Variants in RHOBTB3 observed in about 807,000 individuals in gnomAD.
The protein encoded by RHOBTB3 is rho-related BTB domain-containing protein 3.
A neutral mutation model predicts 67.2 loss-of-function variants in RHOBTB3; 47 were observed. The observed-to-expected ratio is 0.70, with a 90% confidence interval of 0.55 to 0.89. The LOEUF (loss-of-function observed/expected upper bound fraction) is 0.89, where lower values mean the gene tolerates loss of function less well. Ranked by LOEUF, RHOBTB3 falls within the 40% of genes least tolerant of loss-of-function variation. The pLI is 0.00. For missense variants in RHOBTB3, 631 were observed against 750.0 expected, an observed-to-expected ratio of 0.84 and a Z score of 1.85; for synonymous variants, 273 against 274.2, an observed-to-expected ratio of 1.00 and a Z score of 0.04.
intron 6 of RHOBTB3, among the ~76,000 whole-genome samples, chr5:95,763,240 G>A (rs139469569): frequency 1.3e-5 from 2 of 152,296 alleles, no homozygotes; most frequent in African/African-American, 4.8e-5. Context: ...GACCATTGCT[G>A]TTATCACTAG....
intron 3 of RHOBTB3, among the ~76,000 whole-genome samples, chr5:95,742,049 A>G (rs1223026331): frequency 6.6e-6 from 1 of 152,150 alleles, no homozygotes; most frequent in Non-Finnish European, 1.5e-5. Context: ...ATTTTCTGGC[A>G]CAAGATATTC....
intron 1 of RHOBTB3, among the ~76,000 whole-genome samples, chr5:95,722,747 T>G (rs1754926326): frequency 6.6e-6 from 1 of 152,222 alleles, no homozygotes; most frequent in Non-Finnish European, 1.5e-5. Flanking sequence ...CTTCCCAAAG[T>G]GCTGGGATTA....
intron 6 of RHOBTB3, among the ~76,000 whole-genome samples, chr5:95,762,317 A>G (rs1041699803): frequency 5.3e-5 from 8 of 152,208 alleles, no homozygotes; most frequent in Admixed American, 3.3e-4. Context: ...TGGACTTGCA[A>G]TCTGCCCCTT....
chr5:95,731,058 A>G, upstream of RHOBTB3: 1 of 1,067,240 alleles, frequency 9.4e-7, no homozygotes, highest in South Asian at 1.7e-5. Flanking sequence ...CGGCCTTGCG[A>G]GTTGAACAAA....
At chr5:95,770,123 C>T in intron 8 of RHOBTB3, 1 of 260,888 alleles carries the variant, frequency 3.8e-6, no homozygotes, top group South Asian at 4.8e-5. Flanking sequence ...AAATTGTATT[C>T]AAGAAATCAT....
At chr5:95,779,248 A>C (rs79324321) in intron 8 of RHOBTB3, among the ~76,000 whole-genome samples, 2,818 of 152,254 alleles carry the variant, frequency 0.019, 85 homozygotes, top group African/African-American at 0.065. Flanking sequence ...CAGCTTTGTC[A>C]CTCACACTGG....
At chr5:95,782,166 A>C (rs1746066225) in intron 9 of RHOBTB3, 1 of 152,238 alleles carries the variant, frequency 6.6e-6, no homozygotes, top group Admixed American at 6.5e-5. Context: ...GTTAAGCCAG[A>C]TACTGGAATC....
chr5:95,730,791 G>A (rs1019470869), upstream of RHOBTB3: 3 of 431,476 alleles, frequency 7.0e-6, no homozygotes, highest in South Asian at 1.6e-5. Context: ...TGTGAACAAA[G>A]AACTCTTTCT....
At chr5:95,742,249 G>A (rs1427844785) in intron 3 of RHOBTB3, among the ~76,000 whole-genome samples, 2 of 152,104 alleles carry the variant, frequency 1.3e-5, no homozygotes, top group Non-Finnish European at 2.9e-5. Flanking sequence ...TAAATTATGG[G>A]CACTGATGCC....
At chr5:95,737,138 C>T in intron 3 of RHOBTB3, 63 bp downstream of exon 3, 1 of 1,128,964 alleles carries the variant, frequency 8.9e-7, no homozygotes, top group African/African-American at 1.6e-5. Flanking sequence ...TTAAATAGTG[C>T]TAAGTTTATT....
In RHOBTB3 at chr5:95,749,098, T is replaced by C. The variant is rs1333329142; in HGVS notation, c.570+611T>C. ...AGCACCTCCCATATAGTATTAGGAC[T>C]GTAATGTCCTTGGAGAATACTGTGG... On this transcript the variant is annotated intron_variant, in intron 4 of 11. Transcript: ENST00000379982. 7.2e-5 allele frequency among the ~76,000 whole-genome samples: 11 copies of C among 152,344 alleles called. No individual in the cohort carries two copies. The East Asian group carries it at 2.1e-3, about 29-fold the overall frequency.
intron 1 of RHOBTB3, 58 bp from the exon 2 acceptor site, chr5:95,731,801 G>A (rs978554999): frequency 5.0e-6 from 8 of 1,603,264 alleles, no homozygotes; most frequent in Non-Finnish European, 6.8e-6. Context: ...CTGTTCCGAG[G>A]AGAGACCCGC....
chr5:95,760,067 T>C (rs1290623841), intron 6 of RHOBTB3, among the ~76,000 whole-genome samples: 1 of 152,208 alleles, frequency 6.6e-6, no homozygotes, highest in Non-Finnish European at 1.5e-5. Context: ...AACATTTGGT[T>C]CGTTATTTAG....
intron 7 of RHOBTB3, among the ~76,000 whole-genome samples, chr5:95,764,529 G>A (rs957925055): frequency 6.6e-6 from 1 of 152,036 alleles, no homozygotes; most frequent in African/African-American, 2.4e-5. Context: ...AGTCTGTAAG[G>A]GCTTTAAAAA....
chr5:95,729,484 A>T (rs1213094280), upstream of RHOBTB3, among the ~76,000 whole-genome samples: 1 of 152,188 alleles, frequency 6.6e-6, no homozygotes, highest in Admixed American at 6.5e-5. Flanking sequence ...ATTGTCATAA[A>T]ATATAACAAT....
upstream of RHOBTB3, chr5:95,731,101 T>G: frequency 9.0e-7 from 1 of 1,114,142 alleles, no homozygotes; most frequent in Non-Finnish European, 1.1e-6. Context: ...CTGGGAGCTC[T>G]CGGGCTGGGG....
chr5:95,718,752 G>A (rs1316373124), intron 1 of RHOBTB3, among the ~76,000 whole-genome samples: 10 of 152,202 alleles, frequency 6.6e-5, no homozygotes, highest in Non-Finnish European at 1.5e-4. Context: ...GCAATAGAAT[G>A]GGGCTATGAG....
chr5:95,748,369 A>T lies in RHOBTB3; in HGVS notation c.452A>T (p.Asp151Val), dbSNP rs974342889. 1.2e-6 allele frequency: 2 copies of T among 1,613,096 alleles called. No homozygotes were observed. Among genetic ancestry groups the T allele is most frequent in the African/African-American group, 2.7e-5 (2 of 75,036 alleles). ...LPCTCPLCTS[D>V]RGSCVSTTEG... ...TGTACATGCCCACTATGTACCTCAG[A>T]CAGAGGGAGCTGTGTTAGTACAACT... is the stretch of plus-strand genomic sequence containing the variant. The change falls in exon 4 of 12, where the codon GAC becomes GTC. Residue 151 changes from aspartate to valine, a missense_variant. By Grantham distance (152) the Asp-to-Val change is radical (BLOSUM62 -3). Transcript: ENST00000379982.
chr5:95,733,295 C>G (rs1005999785), intron 2 of RHOBTB3, among the ~76,000 whole-genome samples: 1 of 152,196 alleles, frequency 6.6e-6, no homozygotes, highest in Non-Finnish European at 1.5e-5. Flanking sequence ...TGGTCAGAGT[C>G]TATGCAGGCA....
Sources: gnomAD v4.1 joint callset for allele counts (sites outside exome capture counted in the v4.1 genomes callset) on GRCh38, gnomAD v4.1.1 for gene constraint, MANE v1.5 for transcripts, NCBI Gene and HGNC (gene_info 2026-07-23, HGNC 2026-07-21) for gene names.